The following PDE3B variants were observed in gnomAD, a reference collection of about 807,000 sequenced individuals.
PDE3B encodes the protein phosphodiesterase 3B.
A neutral mutation model predicts 116.8 loss-of-function variants in PDE3B; 66 were observed. The ratio of observed to expected loss-of-function variants is 0.56; its 90% CI spans 0.46 to 0.69. The LOEUF (loss-of-function observed/expected upper bound fraction) is 0.69. PDE3B is among the 30% of genes least tolerant of loss of function. The probability of loss-of-function intolerance (pLI) is 0.00; values close to 1 mark genes in which losing one functional copy is unlikely to be tolerated. For synonymous variants in PDE3B, 595 were observed against 533.6 expected (o/e 1.12, Z -1.59); for missense variants, 1,384 against 1,368.1 (o/e 1.01, Z -0.18).
intron 5 of PDE3B, among the ~76,000 whole-genome samples, chr11:14,805,081 G>C (rs1858879502): frequency 6.6e-6 from 1 of 151,986 alleles, no homozygotes; most frequent in South Asian, 2.1e-4. Context: ...GGAAAGGAGA[G>C]AAACAAAAGG....
rs145376413 is a variant in PDE3B, at chr11:14,838,180, C to G, written c.2320+3085C>G. Among the ~76,000 whole-genome samples, 18 of 152,002 alleles carry G rather than the reference C, an allele frequency of 1.2e-4. No homozygotes were observed. In the South Asian group the frequency reaches 3.5e-3, roughly 30 times the overall value. ...ATTTTTAGTGGAGACGGGTTTTCAC[C>G]GTGTTAGCCAGGATGGTCTCGATCT... On this transcript the variant is annotated intron_variant, in intron 11 of 15. Coordinates refer to ENST00000282096, the MANE Select transcript of PDE3B (RefSeq NM_000922.4).
At chr11:14,865,202 A>C (rs1848022100) in intron 14 of PDE3B, among the ~76,000 whole-genome samples, 1 of 152,172 alleles carries the variant, frequency 6.6e-6, no homozygotes, top group Admixed American at 6.5e-5. Flanking sequence ...AATACTATAA[A>C]ATTTTTGGCA....
At chr11:14,831,572 C>T (rs1191283653) in intron 8 of PDE3B, 68 bp from the exon 9 acceptor site, 5 of 948,226 alleles carry the variant, frequency 5.3e-6, no homozygotes, top group Middle Eastern at 3.4e-4. Flanking sequence ...TAAGTGTTCT[C>T]ATTGTAATAT....
At chr11:14,688,945 G>T (rs1407371256) in intron 1 of PDE3B, among the ~76,000 whole-genome samples, 2 of 152,164 alleles carry the variant, frequency 1.3e-5, no homozygotes, top group East Asian at 3.9e-4. Flanking sequence ...GCTAATTTTT[G>T]TATTTTTAGT....
chr11:14,780,738 A>G (rs1857964738), intron 2 of PDE3B, among the ~76,000 whole-genome samples: 1 of 152,214 alleles, frequency 6.6e-6, no homozygotes, highest in African/African-American at 2.4e-5. Flanking sequence ...TGACACCCTA[A>G]TATCACAATT....
Position 14,715,163 on chromosome 11 carries a change from A to G in PDE3B, c.979-56774A>G, listed in dbSNP as rs904525167. ...CATGTAACAAATGAAGTGAGAAGAGAAGCAAGAAAAGGGGAAAAATCAGGT... is the reference window on the plus strand; with the variant it reads ...CATGTAACAAATGAAGTGAGAAGAGGAGCAAGAAAAGGGGAAAAATCAGGT... On this transcript the variant is annotated intron_variant, in intron 1 of 15. Coordinates refer to ENST00000282096, the MANE Select transcript of PDE3B (RefSeq NM_000922.4). 2.0e-5 allele frequency among the ~76,000 whole-genome samples: 3 copies of G among 152,186 alleles called. No homozygotes were observed. The East Asian group carries it at 5.8e-4, about 29-fold the overall frequency.
chr11:14,830,250 T>G (rs532185956), intron 7 of PDE3B, among the ~76,000 whole-genome samples: 1 of 152,270 alleles, frequency 6.6e-6, no homozygotes, highest in East Asian at 1.9e-4. Flanking sequence ...GAAAAGAAAT[T>G]ATTACATTGG....
chr11:14,889,371 A>C, the PDE3B span, among the ~76,000 whole-genome samples: 1 of 152,196 alleles, frequency 6.6e-6, no homozygotes, highest in Non-Finnish European at 1.5e-5. Flanking sequence ...TATCTCTAAG[A>C]TAATGGGAGA....
At chr11:14,695,772 G>GT (rs2133811567) in intron 1 of PDE3B, among the ~76,000 whole-genome samples, 1 of 152,166 alleles carries the variant, frequency 6.6e-6, no homozygotes, top group East Asian at 1.9e-4. Context: ...GCAGTGTTTG[G>GT]TTTTCTCTTC....
chr11:14,711,593 C>T (rs1275112560), intron 1 of PDE3B, among the ~76,000 whole-genome samples: 5 of 151,914 alleles, frequency 3.3e-5, no homozygotes, highest in Admixed American at 6.6e-5. Flanking sequence ...CGGGAGGTGC[C>T]GGACTTTGCA....
At chr11:14,722,729 T>G (rs1032456315) in intron 1 of PDE3B, among the ~76,000 whole-genome samples, 1 of 152,174 alleles carries the variant, frequency 6.6e-6, no homozygotes, top group East Asian at 1.9e-4. Context: ...TATAACCTCA[T>G]GAGAGAACTT....
intron 1 of PDE3B, among the ~76,000 whole-genome samples, chr11:14,722,390 T>C (rs780214788): frequency 6.6e-6 from 1 of 151,598 alleles, no homozygotes; most frequent in African/African-American, 2.4e-5. Context: ...AACTGGCAGA[T>C]AGAGTAAAAA....
rs531258004 is a variant in PDE3B at position 14,670,601 on chromosome 11, A to G, written c.978+25548A>G. Among the ~76,000 whole-genome samples the G allele has an allele frequency of 2.6e-5, 4 of 152,282 alleles. No individual in the cohort carries two copies. The East Asian group carries it at 7.7e-4, about 29-fold the overall frequency. ...TAGCTCATGAGATAATGATTTACAT[A>G]CCAAGGGAAGTTTTCAGGAAAACAT... On this transcript the variant is annotated intron_variant, in intron 1 of 15. Transcript: ENST00000282096.
chr11:14,681,422 T>C (rs537828208), intron 1 of PDE3B, among the ~76,000 whole-genome samples: 1 of 152,136 alleles, frequency 6.6e-6, no homozygotes, highest in South Asian at 2.1e-4. Flanking sequence ...ATAAGTCTCA[T>C]GAGATCTGAT....
At chr11:14,867,427 TC>T in intron 14 of PDE3B, 78 bp from the exon 15 acceptor site, 1 of 1,250,518 alleles carries the variant, frequency 8.0e-7, no homozygotes, top group Middle Eastern at 1.9e-4. Flanking sequence ...TTAAAAAAAC[TC>T]AAGATAATTT....
intron 12 of PDE3B, among the ~76,000 whole-genome samples, chr11:14,845,318 C>G (rs1847574210): frequency 2.0e-5 from 3 of 151,852 alleles, no homozygotes; most frequent in Admixed American, 6.6e-5. Flanking sequence ...GAAAGGACAT[C>G]CACACCAAAA....
At chr11:14,654,611 T>C (rs746394464) in intron 1 of PDE3B, among the ~76,000 whole-genome samples, 2 of 152,206 alleles carry the variant, frequency 1.3e-5, no homozygotes, top group South Asian at 2.1e-4. Context: ...AACACTGTTA[T>C]TATAAGACAT....
intron 4 of PDE3B, among the ~76,000 whole-genome samples, chr11:14,798,283 A>C (rs1590153706): frequency 6.6e-6 from 1 of 152,184 alleles, no homozygotes; most frequent in East Asian, 1.9e-4. Flanking sequence ...GATGAAGCCT[A>C]CTTGATCGTG....
At chr11:14,831,823 T>A in intron 9 of PDE3B, 46 bp downstream of exon 9, 1 of 1,432,008 alleles carries the variant, frequency 7.0e-7, no homozygotes, top group Non-Finnish European at 9.6e-7. Context: ...TAATTTTTCT[T>A]AAATCTTTAT....
Sources: gnomAD v4.1 joint callset for allele counts (sites outside exome capture counted in the v4.1 genomes callset) on GRCh38, gnomAD v4.1.1 for gene constraint, MANE v1.5 for transcripts, NCBI Gene and HGNC (gene_info 2026-07-23, HGNC 2026-07-21) for gene names.